NFIA: variants seen among roughly 807,000 people sequenced by gnomAD.
NFIA encodes nuclear factor 1 A-type.
Under a neutral mutation model 62.8 loss-of-function variants are expected in NFIA, and 8 were observed. The ratio of observed to expected loss-of-function variants is 0.13; its 90% CI spans 0.07 to 0.23. The LOEUF is 0.23. Among genes scored for constraint, NFIA ranks in the 10% least tolerant of loss-of-function variants. The pLI, the probability that NFIA is intolerant of heterozygous loss-of-function variation, is 1.00. For synonymous variants in NFIA, 235 were observed against 238.1 expected (o/e 0.99, Z 0.12); for missense variants, 410 against 642.1 (o/e 0.64, Z 3.91).
chr1:61,353,084 A>G (rs1662640266), intron 5 of NFIA, among the ~76,000 whole-genome samples: 1 of 152,142 alleles, frequency 6.6e-6, no homozygotes, highest in Non-Finnish European at 1.5e-5. Context: ...TCTCAGTGTC[A>G]TGCCCACAGC....
chr1:61,113,283 T>A (rs1457290257), intron 2 of NFIA, among the ~76,000 whole-genome samples: 3 of 151,894 alleles, frequency 2.0e-5, no homozygotes, highest in Non-Finnish European at 2.9e-5. Flanking sequence ...GGGACATTTT[T>A]AAATACCAAA....
intron 2 of NFIA, among the ~76,000 whole-genome samples, chr1:61,243,752 A>G (rs1655482087): frequency 6.6e-6 from 1 of 152,254 alleles, no homozygotes; most frequent in Admixed American, 6.5e-5. Context: ...CCAATCAGGC[A>G]GTGTTTACGT....
At chr1:61,105,716 G>C (rs1016672156) in intron 2 of NFIA, among the ~76,000 whole-genome samples, 2 of 151,850 alleles carry the variant, frequency 1.3e-5, no homozygotes, top group African/African-American at 4.8e-5. Flanking sequence ...TTATGTTTTT[G>C]TATTTGAGAG....
At chr1:61,180,377 T>G (rs1176894683) in intron 2 of NFIA, among the ~76,000 whole-genome samples, 1 of 152,238 alleles carries the variant, frequency 6.6e-6, no homozygotes, top group Non-Finnish European at 1.5e-5. Context: ...CACTATTGAT[T>G]GGCTGACTCT....
intron 2 of NFIA, among the ~76,000 whole-genome samples, chr1:61,203,415 A>G (rs1414971921): frequency 2.0e-5 from 3 of 152,154 alleles, no homozygotes; most frequent in South Asian, 2.1e-4. Context: ...TCCCTTATTT[A>G]TAAAACAGAA....
chr1:61,419,927 T>C (rs924405735), intron 9 of NFIA, among the ~76,000 whole-genome samples: 1 of 152,170 alleles, frequency 6.6e-6, no homozygotes, highest in African/African-American at 2.4e-5. Context: ...GGTAACTTGT[T>C]TGTAGAGACA....
chr1:61,388,164 A>G (rs1196011609), intron 7 of NFIA, among the ~76,000 whole-genome samples: 1 of 152,220 alleles, frequency 6.6e-6, no homozygotes, highest in Non-Finnish European at 1.5e-5. Context: ...AGAATTAGGT[A>G]AAGAGGTTAT....
intron 3 of NFIA, among the ~76,000 whole-genome samples, chr1:61,329,108 C>T (rs111903670): frequency 0.14 from 19,886 of 145,818 alleles, 2,253 homozygotes; most frequent in African/African-American, 0.31. Flanking sequence ...AGTGCAGTGG[C>T]GCGATCTTGG....
intron 2 of NFIA, among the ~76,000 whole-genome samples, chr1:61,202,763 A>G (rs1452306303): frequency 1.3e-5 from 2 of 152,236 alleles, no homozygotes; most frequent in Non-Finnish European, 2.9e-5. Context: ...GAGAATTAGC[A>G]GGATGTAAAA....
rs1668458963 is a variant in NFIA at position 61,459,781 on chromosome 1, A to C, written c.*4461A>C. The C allele has an allele frequency of 6.6e-6, 1 of 152,210 alleles. No individual in the cohort carries two copies. Among genetic ancestry groups the C allele is most frequent in the African/African-American group, 2.4e-5 (1 of 41,440 alleles). 9.4% of individuals were successfully genotyped at this position (152,210 alleles called of 1,614,324 possible). ...TTACAGTGGCATAAAGGACTGACAAAACCTGGATAAGGAAAAACCTTTTTT... is the reference window on the plus strand; with the variant it reads ...TTACAGTGGCATAAAGGACTGACAACACCTGGATAAGGAAAAACCTTTTTT... On this transcript the variant is annotated 3_prime_UTR_variant, in exon 11 of 11. Coordinates refer to ENST00000403491, the MANE Select transcript of NFIA (RefSeq NM_001134673.4).
chr1:61,299,284 C>T (rs1231935945), intron 3 of NFIA, among the ~76,000 whole-genome samples: 1 of 152,074 alleles, frequency 6.6e-6, no homozygotes, highest in Non-Finnish European at 1.5e-5. Context: ...AGAATTTTAC[C>T]TTCCTTTTCA....
At chr1:61,241,592 A>AC in intron 2 of NFIA, among the ~76,000 whole-genome samples, 1 of 152,228 alleles carries the variant, frequency 6.6e-6, no homozygotes, top group East Asian at 1.9e-4. Flanking sequence ...AGCACATTGA[A>AC]CAGGTTCAAA....
intron 2 of NFIA, among the ~76,000 whole-genome samples, chr1:61,243,094 C>A (rs1655442958): frequency 6.6e-6 from 1 of 152,084 alleles, no homozygotes; most frequent in Non-Finnish European, 1.5e-5. Flanking sequence ...AGTCTTTTCT[C>A]ACCTAGTAAG....
At chr1:61,306,020 G>GT (rs1194276572) in intron 3 of NFIA, among the ~76,000 whole-genome samples, 2 of 150,020 alleles carry the variant, frequency 1.3e-5, no homozygotes, top group Non-Finnish European at 3.0e-5. Flanking sequence ...GCTAATTTTT[G>GT]TTGTATTTTT....
At chr1:61,266,012 T>C (rs1657139035) in intron 2 of NFIA, among the ~76,000 whole-genome samples, 1 of 151,936 alleles carries the variant, frequency 6.6e-6, no homozygotes, top group Admixed American at 6.6e-5. Flanking sequence ...GAAATGAGAG[T>C]CTTAGCCTTG....
intron 6 of NFIA, among the ~76,000 whole-genome samples, chr1:61,363,558 C>T (rs145394647): frequency 2.1e-4 from 32 of 150,236 alleles, no homozygotes; most frequent in African/African-American, 6.8e-4. Context: ...GAACCGAGAT[C>T]GTGCCATTGC....
upstream of NFIA, chr1:61,081,902 A>G (rs1156760331): frequency 3.2e-6 from 5 of 1,547,232 alleles, no homozygotes; most frequent in South Asian, 2.4e-5. Context: ...GGGGGAAAAA[A>G]AGTTACCTAG....
At chr1:61,361,394 A>G (rs923509622) in intron 6 of NFIA, among the ~76,000 whole-genome samples, 2 of 152,148 alleles carry the variant, frequency 1.3e-5, no homozygotes, top group South Asian at 4.1e-4. Context: ...CCCTTTTTCA[A>G]AGGCTAATTA....
intron 3 of NFIA, among the ~76,000 whole-genome samples, chr1:61,278,195 A>G (rs1311781285): frequency 1.3e-5 from 2 of 152,240 alleles, no homozygotes; most frequent in African/African-American, 2.4e-5. Context: ...AAAATAGAAC[A>G]TACATTATAT....
Sources: gnomAD v4.1 joint callset for allele counts (sites outside exome capture counted in the v4.1 genomes callset) on GRCh38, gnomAD v4.1.1 for gene constraint, MANE v1.5 for transcripts, NCBI Gene and HGNC (gene_info 2026-07-23, HGNC 2026-07-21) for gene names.